The following ATP9B variants were observed in gnomAD, a reference collection of about 807,000 sequenced individuals.
ATP9B encodes the protein probable phospholipid-transporting ATPase IIB.
In ATP9B, 110 loss-of-function variants were observed where a neutral mutation model predicts 146.1. The observed-to-expected ratio is 0.75, with a 90% CI of 0.65 to 0.88. The LOEUF (loss-of-function observed/expected upper bound fraction) is 0.88, where lower values mean the gene tolerates loss of function less well. ATP9B is among the 40% of genes least tolerant of loss of function. The pLI, the probability that ATP9B is intolerant of heterozygous loss-of-function variation, is 0.00. For missense variants in ATP9B, 1,499 were observed against 1,496.4 expected (o/e 1.00, Z -0.03); for synonymous variants, 604 against 569.7 (o/e 1.06, Z -0.86).
intron 8 of ATP9B, among the ~76,000 whole-genome samples, chr18:79,182,160 G>A (rs1347380409): frequency 6.6e-6 from 1 of 152,212 alleles, no homozygotes; most frequent in Non-Finnish European, 1.5e-5. Flanking sequence ...GCTAGAGCAT[G>A]ATCCTGCTGG....
At chr18:79,125,176 G>A (rs2094261768) in intron 4 of ATP9B, among the ~76,000 whole-genome samples, 1 of 152,124 alleles carries the variant, frequency 6.6e-6, no homozygotes, top group Non-Finnish European at 1.5e-5. Flanking sequence ...GCAGACTAAG[G>A]GAGGAGAAGA....
intron 1 of ATP9B, among the ~76,000 whole-genome samples, chr18:79,070,014 A>C (rs908754793): frequency 6.6e-6 from 1 of 152,188 alleles, no homozygotes; most frequent in African/African-American, 2.4e-5. Context: ...TTTTGTTTAA[A>C]CATATATATA....
At chr18:79,212,907 A>C (rs2148408875) in intron 10 of ATP9B, among the ~76,000 whole-genome samples, 1 of 152,316 alleles carries the variant, frequency 6.6e-6, no homozygotes, top group Non-Finnish European at 1.5e-5. Context: ...TAATCTCCAC[A>C]CATATCCCTG....
At chr18:79,128,215 C>T (rs183249384) in intron 5 of ATP9B, among the ~76,000 whole-genome samples, 2 of 151,778 alleles carry the variant, frequency 1.3e-5, no homozygotes, top group East Asian at 1.9e-4. Context: ...GCCTGCACTG[C>T]GCCCGGGTGA....
chr18:79,237,456 T>G (rs530350527), intron 11 of ATP9B, among the ~76,000 whole-genome samples: 27 of 152,378 alleles, frequency 1.8e-4, no homozygotes, highest in Admixed American at 3.9e-4. Context: ...TTTCCTGTGA[T>G]TGGTCTGCTG....
chr18:79,323,233 C>T (rs541484146), intron 15 of ATP9B, among the ~76,000 whole-genome samples: 3 of 151,942 alleles, frequency 2.0e-5, no homozygotes, highest in Non-Finnish European at 1.5e-5. Flanking sequence ...AGTAATCCTC[C>T]GTTTATCGTT....
At chr18:79,143,670 G>T (rs1329999016) in intron 5 of ATP9B, 132 bp from the exon 6 acceptor site, 3 of 517,718 alleles carry the variant, frequency 5.8e-6, no homozygotes, top group Non-Finnish European at 1.0e-5. Context: ...CTGTCTGAAA[G>T]TACAAGTATA....
At chr18:79,163,376 C>T (rs2094912642) in intron 7 of ATP9B, among the ~76,000 whole-genome samples, 1 of 151,996 alleles carries the variant, frequency 6.6e-6, no homozygotes, top group African/African-American at 2.4e-5. Context: ...ATATTTGTTT[C>T]ACTTTTAGAA....
chr18:79,182,443 A>G (rs1412734918), intron 8 of ATP9B, among the ~76,000 whole-genome samples: 1 of 152,110 alleles, frequency 6.6e-6, no homozygotes, highest in Non-Finnish European at 1.5e-5. Flanking sequence ...GTTTCCTTGA[A>G]TTCTGGTCTC....
At chr18:79,108,517 A>G (rs1346027614) in intron 2 of ATP9B, among the ~76,000 whole-genome samples, 1 of 152,162 alleles carries the variant, frequency 6.6e-6, no homozygotes, top group Non-Finnish European at 1.5e-5. Context: ...TTATTGTTTC[A>G]AAAGTGCTGA....
intron 8 of ATP9B, among the ~76,000 whole-genome samples, chr18:79,177,188 T>C (rs1328903972): frequency 6.6e-6 from 1 of 152,050 alleles, no homozygotes; most frequent in Admixed American, 6.6e-5. Flanking sequence ...CTTGCCCCCT[T>C]CCCCCTCTTC....
At position 79,163,867 on chromosome 18, in the gene ATP9B, T is replaced by TACACACACACAC. The variant is rs1491204627; in HGVS notation, c.778+9313_778+9314insCACACACACACA. Among the ~76,000 whole-genome samples, 271 of 77,746 alleles carry TACACACACACAC rather than the reference T, an allele frequency of 3.5e-3. 3 individuals are homozygous for TACACACACACAC. Among genetic ancestry groups the TACACACACACAC allele is most frequent in the South Asian group, 1.5e-3 (4 of 2,680 alleles). 51.0% of individuals were successfully genotyped at this position (77,746 alleles called of 152,430 possible). On this transcript the variant is annotated intron_variant, in intron 7 of 29. Transcript: ENST00000426216. ...TATATTTTATTTTCATATTTTATTTTATACACACACACACACACACACACA... is the reference window on the plus strand; with the variant it reads ...TATATTTTATTTTCATATTTTATTTTACACACACACACATACACACACACACACACACACACA...
chr18:79,345,474 A>G lies in ATP9B; in HGVS notation c.2519A>G (p.Gln840Arg). 2.5e-6 allele frequency: 4 copies of G among 1,613,970 alleles called. No homozygotes were observed. Among genetic ancestry groups the G allele is most frequent in the Non-Finnish European group, 3.4e-6 (4 of 1,180,034 alleles). The change falls in exon 22 of 30, where the codon CAG becomes CGG. Residue 840 changes from glutamine to arginine, a missense_variant. Coordinates refer to ENST00000426216, the MANE Select transcript of ATP9B (RefSeq NM_198531.5). ...YEHEFVELAC[Q>R]CPAVVCCRCS... ...CATGAATTTGTGGAGCTGGCCTGCC[A>G]GTGCCCTGCCGTGGTTTGCTGCCGC...
chr18:79,119,990 T>A (rs1484274723), intron 4 of ATP9B, among the ~76,000 whole-genome samples: 1 of 152,146 alleles, frequency 6.6e-6, no homozygotes, highest in African/African-American at 2.4e-5. Flanking sequence ...ATACACTAAA[T>A]CTAAAGAAAT....
chr18:79,322,441 C>T (rs543589713), intron 15 of ATP9B, among the ~76,000 whole-genome samples: 28 of 152,310 alleles, frequency 1.8e-4, no homozygotes, highest in African/African-American at 5.1e-4. Context: ...GCCGCACCCT[C>T]GGGGCACGGT....
At chr18:79,255,331 C>G (rs781576547) in intron 12 of ATP9B, 1 of 152,200 alleles carries the variant, frequency 6.6e-6, no homozygotes, top group Non-Finnish European at 1.5e-5. Flanking sequence ...ATGTGATGGT[C>G]CTTCAGGTAG....
chr18:79,329,296 C>T lies in ATP9B; in HGVS notation c.1929C>T (p.Ile643=), dbSNP rs2096777579. Residue 643 remains isoleucine, a synonymous_variant, in exon 16 of 30, where the codon ATC becomes ATT. Coordinates refer to ENST00000426216, the MANE Select transcript of ATP9B (RefSeq NM_198531.5). The part of the protein sequence containing the change: ...FTSESKRMGV[I]VRDESTAEIT... ...CCGAGAGCAAGCGGATGGGCGTCAT[C>T]GTCAGGGTGAGGCTGCGGGGAGGGT... 1 of 1,603,806 alleles carries T rather than the reference C, an allele frequency of 6.2e-7. No homozygotes were observed.
In ATP9B at chr18:79,193,188, T is replaced by G. The variant is rs2095385356; in HGVS notation, c.879T>G (p.Leu293=). 6.2e-7 allele frequency: 1 copy of G among 1,603,202 alleles called. No individual in the cohort carries two copies. ...TCAAATGTTCTGTATTCCAGGACCT[T>G]TTTTCTATCAGTGCTTATGTTTATG... The part of the protein sequence containing the change: ...CTQQLPALGD[L]FSISAYVYAQ... The change falls in exon 9 of 30, where the codon CTT becomes CTG. Residue 293 remains leucine (L), a synonymous_variant. Coordinates refer to ENST00000426216, the MANE Select transcript of ATP9B (RefSeq NM_198531.5).
intron 13 of ATP9B, 126 bp from the exon 14 acceptor site, chr18:79,303,478 A>G (rs536362410): frequency 3.4e-4 from 214 of 637,898 alleles, no homozygotes; most frequent in Non-Finnish European, 5.4e-4. Flanking sequence ...GCTACTTTGT[A>G]TTATACAGTT....
Sources: allele counts gnomAD v4.1 joint callset (sites outside exome capture counted in the v4.1 genomes callset), GRCh38; gene constraint gnomAD v4.1.1; transcripts MANE v1.5; gene names NCBI Gene and HGNC (gene_info 2026-07-23, HGNC 2026-07-21).